TMEM242: variants seen among roughly 807,000 people sequenced by gnomAD.
TMEM242 encodes UPF0463 transmembrane protein C6orf35.
TMEM242 carries 10 observed loss-of-function variants against 18.2 expected under a neutral mutation model. The ratio of observed to expected loss-of-function variants is 0.55; its 90% CI spans 0.34 to 0.93. TMEM242 has a LOEUF of 0.93. Ranked by LOEUF, TMEM242 falls within the 40% of genes least tolerant of loss-of-function variation. TMEM242 has a pLI of 0.02. For synonymous variants in TMEM242, 57 were observed against 69.9 expected, an observed-to-expected ratio of 0.81 and a Z score of 0.92; for missense variants, 186 against 175.5, an observed-to-expected ratio of 1.06 and a Z score of -0.34.
In TMEM242 at chr6:157,322,910, C is replaced by T. The variant is rs1448452607; in HGVS notation, c.89-105G>A. The T allele has an allele frequency of 4.2e-6, 4 of 949,768 alleles. No individual in the cohort carries two copies. In the African/African-American group the frequency reaches 6.6e-5, roughly 16 times the overall value. 58.8% of individuals were successfully genotyped at this position (949,768 alleles called of 1,614,324 possible). On this transcript the variant is annotated intron_variant, in intron 1 of 3. Coordinates refer to ENST00000400788, the MANE Select transcript of TMEM242 (RefSeq NM_018452.6). ...TTTAAGATACTATTCGAGTTACAATCAAAATCACTTTTGAAATTCAAGAAA... is the reference window on the plus strand; with the variant it reads ...TTTAAGATACTATTCGAGTTACAATTAAAATCACTTTTGAAATTCAAGAAA...
At chr6:157,304,637 C>G (rs1777885809) in intron 3 of TMEM242, among the ~76,000 whole-genome samples, 1 of 152,108 alleles carries the variant, frequency 6.6e-6, no homozygotes, top group African/African-American at 2.4e-5. Context: ...AAGGAGGTCT[C>G]TACCCTCAGA....
intron 3 of TMEM242, among the ~76,000 whole-genome samples, chr6:157,294,373 C>T (rs1189478675): frequency 3.4e-5 from 4 of 119,176 alleles, no homozygotes; most frequent in Non-Finnish European, 4.9e-5. Context: ...TTTTTTGAGA[C>T]GGAGTCTGGC....
chr6:157,323,464 G>A lies in TMEM242; in HGVS notation c.36C>T (p.Ala12=). 2.5e-6 allele frequency: 4 copies of A among 1,614,050 alleles called. No individual in the cohort carries two copies. The highest frequency in any genetic ancestry group is 3.4e-6 in the Non-Finnish European group (4 of 1,179,968). Residue 12 remains alanine (A), a synonymous_variant, in exon 1 of 4, where the codon GCC becomes GCT. Coordinates refer to ENST00000400788, the MANE Select transcript of TMEM242 (RefSeq NM_018452.6). ...ETAGAATGQP[A]SGLEAPGSTN... is the part of the protein sequence containing the mutation. The stretch of plus-strand genomic sequence containing the variant: ...TGGACCCCGGAGCCTCCAGCCCAGA[G>A]GCCGGCTGCCCAGTTGCAGCGCCCG...
intron 3 of TMEM242, among the ~76,000 whole-genome samples, chr6:157,311,278 G>A: frequency 2.9e-4 from 1 of 3,448 alleles, no homozygotes; most frequent in Admixed American, 2.7e-3. Context: ...TAGTGCCCCC[G>A]TGTGCACACA....
intron 3 of TMEM242, among the ~76,000 whole-genome samples, chr6:157,316,827 A>G (rs1778400334): frequency 6.6e-6 from 1 of 152,212 alleles, no homozygotes; most frequent in African/African-American, 2.4e-5. Context: ...CTGAGGTCAC[A>G]CCACTGCACT....
chr6:157,301,927 G>A (rs782570513), intron 3 of TMEM242, among the ~76,000 whole-genome samples: 1 of 151,954 alleles, frequency 6.6e-6, no homozygotes, highest in Non-Finnish European at 1.5e-5. Context: ...GCAAGACTCC[G>A]TCTCAACAAA....
chr6:157,315,808 G>A lies in TMEM242; in HGVS notation c.327+2974C>T, dbSNP rs587600479. On this transcript the variant is annotated intron_variant, in intron 3 of 3. Transcript: ENST00000400788. Reference sequence around the variant, plus strand: ...CTGGGCAAACGTATCTGCTTTGTTTGGTAACAAGATAGCTCCCAATACCTC... The same window carrying A: ...CTGGGCAAACGTATCTGCTTTGTTTAGTAACAAGATAGCTCCCAATACCTC... Among the ~76,000 whole-genome samples the A allele has an allele frequency of 8.7e-4, 132 of 152,238 alleles. 1 individual carries two copies. The highest frequency in any genetic ancestry group is 3.0e-3 in the African/African-American group (126 of 41,540).
intron 3 of TMEM242, among the ~76,000 whole-genome samples, chr6:157,313,138 C>A (rs1554249634): frequency 2.0e-4 from 29 of 147,666 alleles, no homozygotes; most frequent in South Asian, 8.8e-4. Flanking sequence ...ATCATAGTGT[C>A]CCAGTGTGCG....
chr6:157,305,171 G>A lies in TMEM242; in HGVS notation c.328-12172C>T, dbSNP rs1397128463. ...AAGGAAGAGGCCGGGAAACTGGACA[G>A]GAAACTCTTAAAACACTAGGCAACA... is the stretch of plus-strand genomic sequence containing the variant. On this transcript the variant is annotated intron_variant, in intron 3 of 3. Coordinates refer to ENST00000400788, the MANE Select transcript of TMEM242 (RefSeq NM_018452.6). The surrounding 1 kb of genome is among the most constrained non-coding windows in gnomAD (Gnocchi z 4.1). Among the ~76,000 whole-genome samples, 1 of 152,148 alleles carries A rather than the reference G, an allele frequency of 6.6e-6. No homozygotes were observed. Among genetic ancestry groups the A allele is most frequent in the Non-Finnish European group, 1.5e-5 (1 of 68,030 alleles).
intron 3 of TMEM242, among the ~76,000 whole-genome samples, chr6:157,312,778 AC>A: frequency 2.1e-5 from 3 of 141,352 alleles, no homozygotes; most frequent in African/African-American, 8.3e-5. Flanking sequence ...GTGTGCGCTC[AC>A]CTAGCTTCAT....
chr6:157,314,395 T>A (rs1380816409), intron 3 of TMEM242, among the ~76,000 whole-genome samples: 2 of 328 alleles, frequency 6.1e-3, no homozygotes, highest in Non-Finnish European at 0.015. Context: ...CACAGCTGAT[T>A]TAGGAGACTA....
Position 157,292,222 on chromosome 6 carries a change from A to T in TMEM242, c.*679T>A, listed in dbSNP as rs1777693480. The T allele has an allele frequency of 7.0e-6, 1 of 142,658 alleles. No individual in the cohort carries two copies. Among genetic ancestry groups the T allele is most frequent in the Non-Finnish European group, 1.6e-5 (1 of 64,170 alleles). 8.8% of individuals were successfully genotyped at this position (142,658 alleles called of 1,614,324 possible). ...TCTCAAAAAAATATGTTTACCCCTGATATCATCATTATTTTAGCCCAACTG... is the reference window on the plus strand; with the variant it reads ...TCTCAAAAAAATATGTTTACCCCTGTTATCATCATTATTTTAGCCCAACTG... On this transcript the variant is annotated 3_prime_UTR_variant, in exon 4 of 4. Coordinates refer to ENST00000400788, the MANE Select transcript of TMEM242 (RefSeq NM_018452.6).
At chr6:157,310,758 G>A (rs797029517) in intron 3 of TMEM242, among the ~76,000 whole-genome samples, 570 of 3,686 alleles carry the variant, frequency 0.15, no homozygotes, top group Middle Eastern at 0.25. Flanking sequence ...GCACTCACCC[G>A]GCCTCATCAT....
rs1233433638 is a variant in TMEM242, at chr6:157,322,007, C to T, written c.189+698G>A. On this transcript the variant is annotated intron_variant, in intron 2 of 3. Transcript: ENST00000400788. ...TCTTGCCATTATGGTATCGATAAGG[C>T]TTAAGTATGATTATTAAAGATAAAT... is the stretch of plus-strand genomic sequence containing the variant. Among the ~76,000 whole-genome samples, 3 of 152,110 alleles carry T rather than the reference C, an allele frequency of 2.0e-5. No homozygotes were observed. The East Asian group carries it at 5.8e-4, about 29-fold the overall frequency.
chr6:157,301,675 T>G (rs1777832363), intron 3 of TMEM242, among the ~76,000 whole-genome samples: 1 of 152,180 alleles, frequency 6.6e-6, no homozygotes, highest in African/African-American at 2.4e-5. Context: ...GGCTCACACC[T>G]GTAATCCCAG....
intron 3 of TMEM242, among the ~76,000 whole-genome samples, chr6:157,314,394 T>A (rs1000187484): frequency 4.5e-3 from 1 of 222 alleles, no homozygotes. Context: ...ACACAGCTGA[T>A]TTAGGAGACT....
At position 157,299,449 on chromosome 6, in the gene TMEM242, T is replaced by C. The variant is rs1233002029; in HGVS notation, c.328-6450A>G. 3.7e-6 allele frequency: 5 copies of C among 1,351,828 alleles called. No individual in the cohort carries two copies. The African/African-American group carries it at 5.7e-5, about 15-fold the overall frequency. 83.7% of individuals were successfully genotyped at this position (1,351,828 alleles called of 1,614,324 possible). A position where few individuals can be genotyped will look rare whatever the true frequency, so the allele number is the denominator to read the frequency against. On this transcript the variant is annotated intron_variant, in intron 3 of 3. Coordinates refer to ENST00000400788, the MANE Select transcript of TMEM242 (RefSeq NM_018452.6). The stretch of plus-strand genomic sequence containing the variant: ...AGTCTCCATGCTCTCCTAGGATCCA[T>C]CCGTGGCAGTTTTCAGAGTGGATAC...
intron 3 of TMEM242, among the ~76,000 whole-genome samples, chr6:157,311,636 T>G (rs1554248898): frequency 1.6e-5 from 2 of 129,004 alleles, no homozygotes; most frequent in African/African-American, 3.0e-5. Flanking sequence ...TCACCTGGCC[T>G]CATCATAGTG....
At chr6:157,312,557 T>C (rs797042206) in intron 3 of TMEM242, among the ~76,000 whole-genome samples, 6 of 144,814 alleles carry the variant, frequency 4.1e-5, no homozygotes, top group Admixed American at 2.2e-4. Flanking sequence ...CTCATCATAG[T>C]GCCCCAGTGT....
Sources: gnomAD v4.1 joint callset for allele counts (sites outside exome capture counted in the v4.1 genomes callset) on GRCh38, gnomAD v4.1.1 for gene constraint, Gnocchi (gnomAD v3.1) non-coding constraint, MANE v1.5 for transcripts, NCBI Gene and HGNC (gene_info 2026-07-23, HGNC 2026-07-21) for gene names.